Variants in PDE6A observed in about 807,000 individuals in gnomAD.
PDE6A encodes the protein phosphodiesterase 6A.
A neutral mutation model predicts 106.3 loss-of-function variants in PDE6A; 84 were observed. That is an observed-to-expected ratio of 0.79 (90% confidence interval 0.66 to 0.95). The LOEUF (loss-of-function observed/expected upper bound fraction) is 0.95, where lower values mean the gene tolerates loss of function less well. PDE6A is among the 40% of genes least tolerant of loss of function. The pLI, the probability that PDE6A is intolerant of heterozygous loss-of-function variation, is 0.00. For synonymous variants in PDE6A, 394 were observed against 386.6 expected, an observed-to-expected ratio of 1.02 and a Z score of -0.23; for missense variants, 1,052 against 1,084.9, an observed-to-expected ratio of 0.97 and a Z score of 0.43.
At position 149,899,453 on chromosome 5, in the gene PDE6A, T is replaced by G; in HGVS notation, c.1185A>C (p.Glu395Asp). 6.2e-7 allele frequency: 1 copy of G among 1,614,112 alleles called. No homozygotes were observed. Among genetic ancestry groups the G allele is most frequent in the Non-Finnish European group, 8.5e-7 (1 of 1,179,916 alleles). ...VLSMPIVNKK[E>D]EIVGVATFYN... is the part of the protein sequence containing the mutation. ...AAAATGTGGCCACTCCAACAATTTC[T>G]TCCTTCTTGTTCACAATCGGCATTG... The change falls in exon 9 of 22, where the codon GAA (glutamate) becomes GAC (aspartate). Residue 395 changes from glutamate to aspartate, a missense_variant. Physicochemically the swap from Glu to Asp is conservative, Grantham distance 45 (BLOSUM62 2). Coordinates refer to ENST00000255266, the MANE Select transcript of PDE6A (RefSeq NM_000440.3).
chr5:149,863,083 G>C lies in PDE6A; in HGVS notation c.2506+36C>G. On this transcript the variant is annotated intron_variant, in intron 21 of 21. Transcript: ENST00000255266. This position sits in a 1 kb window ranked among gnomAD's most constrained non-coding sequence, Gnocchi z 4.7. The stretch of plus-strand genomic sequence containing the variant: ...GCAGACACTGAGTGCTCAGGGAGTG[G>C]GGTGGTGGGAGTCCCTGCTTCCCCC... 6.2e-7 allele frequency: 1 copy of C among 1,613,546 alleles called. No homozygotes were observed.
At chr5:149,931,821 G>A (rs1056562544) in intron 3 of PDE6A, among the ~76,000 whole-genome samples, 3 of 152,154 alleles carry the variant, frequency 2.0e-5, no homozygotes, top group South Asian at 4.1e-4. Context: ...AACAAAACTG[G>A]AGCCTATTTA....
At position 149,936,345 on chromosome 5, in the gene PDE6A, C is replaced by T. The variant is rs554957283; in HGVS notation, c.475-1627G>A. The stretch of plus-strand genomic sequence containing the variant: ...ATTAAGAGAAGCTTGTAGTGCTGTA[C>T]TTGAATTAACATTTGAGGATTAAGC... On this transcript the variant is annotated intron_variant, in intron 1 of 21. Transcript: ENST00000255266. Among the ~76,000 whole-genome samples the T allele has an allele frequency of 2.1e-4, 32 of 152,248 alleles. 1 individual carries two copies. Among genetic ancestry groups the T allele is most frequent in the Admixed American group, 1.6e-3 (24 of 15,294 alleles).
At chr5:149,941,505 A>G (rs1286775680) in intron 1 of PDE6A, among the ~76,000 whole-genome samples, 1 of 152,260 alleles carries the variant, frequency 6.6e-6, no homozygotes, top group Non-Finnish European at 1.5e-5. Flanking sequence ...GGATCCTGGA[A>G]GAAAGAGCCA....
chr5:149,922,557 C>T (rs988163727), intron 4 of PDE6A, among the ~76,000 whole-genome samples: 2 of 152,182 alleles, frequency 1.3e-5, no homozygotes, highest in African/African-American at 4.8e-5. Flanking sequence ...GGTGATCCAT[C>T]TGCCTCAGCC....
At chr5:149,917,533 C>T (rs1018671351) in intron 5 of PDE6A, among the ~76,000 whole-genome samples, 2 of 152,136 alleles carry the variant, frequency 1.3e-5, no homozygotes, top group African/African-American at 2.4e-5. Flanking sequence ...CTAGCATTGG[C>T]GGCAGCTGCA....
At chr5:149,884,199 A>AAAT (rs1554087092) in intron 16 of PDE6A, among the ~76,000 whole-genome samples, 4 of 142,338 alleles carry the variant, frequency 2.8e-5, no homozygotes, top group South Asian at 4.4e-4. Flanking sequence ...AAAAAAAAAA[A>AAAT]ATATATATAT....
In PDE6A at chr5:149,884,766, G is replaced by C; in HGVS notation, c.1926+14C>G. ...CAGGCCCCGCGGCCTGTAGACCCTTGGCCCTCATCCTACCTCGTCTCTGAG... is the reference window on the plus strand; with the variant it reads ...CAGGCCCCGCGGCCTGTAGACCCTTCGCCCTCATCCTACCTCGTCTCTGAG... On this transcript the variant is annotated intron_variant, in intron 15 of 21. Coordinates refer to ENST00000255266, the MANE Select transcript of PDE6A (RefSeq NM_000440.3). 6.2e-7 allele frequency: 1 copy of C among 1,610,548 alleles called. No homozygotes were observed. The highest frequency in any genetic ancestry group is 1.3e-5 in the African/African-American group (1 of 74,948).
Position 149,914,950 on chromosome 5 carries a change from C to A in PDE6A, c.991G>T (p.Val331Phe). The A allele has an allele frequency of 1.2e-6, 2 of 1,605,072 alleles. No individual in the cohort carries two copies. Among genetic ancestry groups the A allele is most frequent in the South Asian group, 1.1e-5 (1 of 90,862 alleles). The change falls in exon 6 of 22, where the codon GTC becomes TTC. Residue 331 changes from valine (V) to phenylalanine (F), a missense_variant. Val to Phe is a conservative substitution (Grantham distance 50). Around this residue, in one of 3 missense-constraint regions of PDE6A, gnomAD observed 913 missense variants for 915.2 expected, o/e 1.00. Transcript: ENST00000255266. ...YILHGKEDIK[V>F]IPNPPPDHWA... ...TTGACAGGTGAAACTTACGGGATGA[C>A]TTTGATGTCCTCTTTGCCATGCAGG... is the stretch of plus-strand genomic sequence containing the variant.
chr5:149,923,538 CA>C (rs1753787477), intron 4 of PDE6A, among the ~76,000 whole-genome samples: 3 of 130,462 alleles, frequency 2.3e-5, no homozygotes, highest in Non-Finnish European at 4.6e-5. Context: ...CATAACATAA[CA>C]TAACATAACA....
intron 17 of PDE6A, among the ~76,000 whole-genome samples, chr5:149,872,222 C>T (rs1277079347): frequency 6.6e-6 from 1 of 152,152 alleles, no homozygotes; most frequent in African/African-American, 2.4e-5. Context: ...CTTTGAGTCC[C>T]AGTCTGTTCG....
intron 1 of PDE6A, among the ~76,000 whole-genome samples, chr5:149,936,067 T>C (rs1007677591): frequency 6.6e-6 from 1 of 151,934 alleles, no homozygotes. Flanking sequence ...GGCAGGAGGA[T>C]TGCTTGAGCC....
chr5:149,942,359 T>C (rs1754348776), intron 1 of PDE6A, among the ~76,000 whole-genome samples: 1 of 152,148 alleles, frequency 6.6e-6, no homozygotes, highest in Non-Finnish European at 1.5e-5. Context: ...CTAACCAGCA[T>C]GAGAGTTTGA....
intron 6 of PDE6A, among the ~76,000 whole-genome samples, chr5:149,907,861 AC>A (rs570228596): frequency 9.1e-4 from 139 of 152,338 alleles, no homozygotes; most frequent in African/African-American, 3.2e-3. Context: ...ACACACATAA[AC>A]AAGCATTAAA....
In PDE6A at chr5:149,893,247, C is replaced by T. The variant is rs149154459; in HGVS notation, c.1728+1936G>A. On this transcript the variant is annotated intron_variant, in intron 13 of 21. Transcript: ENST00000255266. ...GCGACCATACCAAGTTCTTCTCTAC[C>T]GCAAAACTTTAGGGCCTTGAGTCTT... 5.1e-4 allele frequency among the ~76,000 whole-genome samples: 78 copies of T among 152,262 alleles called. No individual in the cohort carries two copies. In the South Asian group the frequency reaches 0.013, roughly 25 times the overall value.
intron 4 of PDE6A, among the ~76,000 whole-genome samples, chr5:149,928,698 G>A (rs949173248): frequency 2.0e-5 from 3 of 151,982 alleles, no homozygotes; most frequent in African/African-American, 7.2e-5. Context: ...GGCCATCATT[G>A]ATCAAAATGT....
intron 8 of PDE6A, 102 bp from the exon 9 acceptor site, chr5:149,899,626 G>A (rs530308206): frequency 5.6e-5 from 63 of 1,133,414 alleles, no homozygotes; most frequent in Middle Eastern, 3.9e-4. Context: ...CTGAGAGGAG[G>A]TGGCAAGAGG....
chr5:149,879,952 G>A (rs555178819), intron 17 of PDE6A, among the ~76,000 whole-genome samples: 1 of 152,148 alleles, frequency 6.6e-6, no homozygotes, highest in African/African-American at 2.4e-5. Flanking sequence ...AACCACTGAT[G>A]AACTTACACC....
chr5:149,883,360 G>A, intron 17 of PDE6A, 69 bp downstream of exon 17: 1 of 998,870 alleles, frequency 1.0e-6, no homozygotes, highest in Non-Finnish European at 1.6e-6. Context: ...GGCAGCAAGA[G>A]CTGTCAGTGC....
Sources: gnomAD v4.1 joint callset for allele counts (sites outside exome capture counted in the v4.1 genomes callset) on GRCh38, gnomAD v4.1.1 for gene constraint, gnomAD v4.1.1 regional missense constraint, Gnocchi (gnomAD v3.1) non-coding constraint, MANE v1.5 for transcripts, NCBI Gene and HGNC (gene_info 2026-07-23, HGNC 2026-07-21) for gene names.